Variants in FNIP2 observed in about 807,000 individuals in gnomAD.
FNIP2 encodes the protein folliculin interacting protein 2.
A neutral mutation model predicts 108.7 loss-of-function variants in FNIP2; 32 were observed. That is an observed-to-expected ratio of 0.29 (90% CI 0.22 to 0.40). FNIP2 has a LOEUF of 0.40. FNIP2 is among the 10% of genes least tolerant of loss of function. FNIP2 has a pLI of 1.00. For synonymous variants in FNIP2, 480 were observed against 496.7 expected (o/e 0.97, Z 0.45); for missense variants, 1,202 against 1,381.6 (o/e 0.87, Z 2.06).
At chr4:158,778,951 G>C (rs754817184) in intron 1 of FNIP2, among the ~76,000 whole-genome samples, 2 of 152,226 alleles carry the variant, frequency 1.3e-5, no homozygotes, top group African/African-American at 2.4e-5. Flanking sequence ...CTCCAGAGAG[G>C]TTGCACCTGT....
In FNIP2 at chr4:158,868,375, C is replaced by G. The variant is rs1225398523; in HGVS notation, c.1739C>G (p.Pro580Arg). ...GTGAGGAACGAGCCCGCTCTTGTAC[C>G]CCCCATCCTACCACCAACAGCAGCA... ...ITVRNEPALVPPILPPTAAER... is the reference protein window; with the variant it reads ...ITVRNEPALVRPILPPTAAER... The change falls in exon 13 of 17, where the codon CCC becomes CGC. Residue 580 changes from proline (P) to arginine (R), a missense_variant. Around this residue, in one of 5 missense-constraint regions of FNIP2, gnomAD observed 878 missense variants for 990.3 expected, o/e 0.89. Transcript: ENST00000264433. The surrounding 1 kb of genome is among the most constrained non-coding windows in gnomAD (Gnocchi z 4.6). The G allele has an allele frequency of 6.2e-7, 1 of 1,613,942 alleles. No homozygotes were observed. Among genetic ancestry groups the G allele is most frequent in the Admixed American group, 1.7e-5 (1 of 60,030 alleles).
intron 14 of FNIP2, among the ~76,000 whole-genome samples, chr4:158,871,010 G>A (rs974813924): frequency 2.0e-5 from 3 of 152,264 alleles, no homozygotes; most frequent in African/African-American, 4.8e-5. Flanking sequence ...ATTATATGCC[G>A]TCACGGTGAG....
intron 7 of FNIP2, among the ~76,000 whole-genome samples, chr4:158,836,811 CAAAAAAAAA>C (rs34469888): frequency 1.3e-4 from 5 of 39,578 alleles, no homozygotes; most frequent in East Asian, 1.6e-3. Flanking sequence ...GACTCCGTCT[CAAAAAAAAA>C]AAAAAAAAAA....
intron 7 of FNIP2, among the ~76,000 whole-genome samples, chr4:158,845,658 G>A (rs1249887679): frequency 6.6e-6 from 1 of 152,248 alleles, no homozygotes; most frequent in Non-Finnish European, 1.5e-5. Context: ...CATTCAGATA[G>A]TGAGCCAGGC....
chr4:158,805,949 A>T (rs1308581250), intron 1 of FNIP2: 1 of 220,294 alleles, frequency 4.5e-6, no homozygotes, highest in African/African-American at 2.3e-5. Flanking sequence ...TTGTAATGGG[A>T]TTGCAGACAG....
At chr4:158,789,709 AG>A (rs1433193300) in intron 1 of FNIP2, among the ~76,000 whole-genome samples, 1 of 152,170 alleles carries the variant, frequency 6.6e-6, no homozygotes, top group Non-Finnish European at 1.5e-5. Context: ...GTGCAACAGG[AG>A]CTAACAGTAC....
chr4:158,783,085 T>TA lies in FNIP2; in HGVS notation c.107+13769dup, dbSNP rs533779180. Among the ~76,000 whole-genome samples, 210 of 152,344 alleles carry TA rather than the reference T, an allele frequency of 1.4e-3. 1 individual carries two copies. In the Middle Eastern group the frequency reaches 0.027, roughly 20 times the overall value. On this transcript the variant is annotated intron_variant, in intron 1 of 16. Coordinates refer to ENST00000264433, the MANE Select transcript of FNIP2 (RefSeq NM_020840.3). ...TATTGAGTTTTACAGCTTGGACTGT[T>TA]AAAGTCAATATTGTGTTTAACACAG...
chr4:158,832,285 C>T, intron 5 of FNIP2, 147 bp downstream of exon 5: 2 of 606,732 alleles, frequency 3.3e-6, no homozygotes, highest in South Asian at 2.6e-5. Flanking sequence ...TGGCTACTGT[C>T]CTATAAACAG....
chr4:158,770,106 T>A (rs1775645888), intron 1 of FNIP2, among the ~76,000 whole-genome samples: 1 of 152,146 alleles, frequency 6.6e-6, no homozygotes. Context: ...AAACTTAAAG[T>A]CACAGATAAC....
Position 158,861,381 on chromosome 4 carries a change from T to C in FNIP2, c.1188T>C (p.Ala396=). The part of the protein sequence containing the change: ...IWNLYSVPRI[A]EPVWLTMMSG... ...ACTTATATTCTGTTCCAAGGATAGC[T>C]GAACCTGTATGGCTTACTATGATGT... The change falls in exon 11 of 17, where the codon GCT becomes GCC. Residue 396 remains alanine, a synonymous_variant. Transcript: ENST00000264433. The C allele has an allele frequency of 6.2e-7, 1 of 1,614,062 alleles. No individual in the cohort carries two copies. Among genetic ancestry groups the C allele is most frequent in the East Asian group, 2.2e-5 (1 of 44,892 alleles).
chr4:158,870,192 G>C, intron 13 of FNIP2, 121 bp from the exon 14 acceptor site: 1 of 1,087,680 alleles, frequency 9.2e-7, no homozygotes, highest in Non-Finnish European at 1.3e-6. Flanking sequence ...GAGGGTTGGT[G>C]ACATGGACCA....
chr4:158,825,822 T>C, intron 1 of FNIP2, 94 bp from the exon 2 acceptor site: 12 of 1,447,594 alleles, frequency 8.3e-6, no homozygotes, highest in Non-Finnish European at 1.1e-5. Context: ...CCTTTTGATG[T>C]GCACACAGGC....
chr4:158,833,972 G>C, intron 6 of FNIP2: 1 of 921,668 alleles, frequency 1.1e-6, no homozygotes, highest in Non-Finnish European at 1.4e-6. Context: ...TCCTACTTGT[G>C]CCTCTCTAGA....
In FNIP2 at chr4:158,868,733, G is replaced by A. The variant is rs201348738; in HGVS notation, c.2097G>A (p.Val699=). The A allele has an allele frequency of 4.8e-5, 78 of 1,614,000 alleles. No individual in the cohort carries two copies. In the Admixed American group the frequency reaches 1.3e-3, roughly 27 times the overall value. Residue 699 remains valine, a synonymous_variant, in exon 13 of 17, where the codon GTG becomes GTA. Transcript: ENST00000264433. This position sits in a 1 kb window ranked among gnomAD's most constrained non-coding sequence, Gnocchi z 4.6. ...EMPTRLPDRS[V]AWPCPDRHLR... ...CTACAAGACTGCCAGACCGGTCAGT[G>A]GCCTGGCCTTGCCCTGACAGACATC...
chr4:158,868,039 G>A lies in FNIP2; in HGVS notation c.1466-63G>A, dbSNP rs192405795. On this transcript the variant is annotated intron_variant, in intron 12 of 16. Coordinates refer to ENST00000264433, the MANE Select transcript of FNIP2 (RefSeq NM_020840.3). The surrounding 1 kb of genome is among the most constrained non-coding windows in gnomAD (Gnocchi z 4.6). ...TTATCTGTTTTGCTCTTGTAAAGAC[G>A]GATATATCTGTGACATGCTAACCCC... 43 of 1,577,934 alleles carry A rather than the reference G, an allele frequency of 2.7e-5. No individual in the cohort carries two copies. The Admixed American group carries it at 5.0e-4, about 18-fold the overall frequency.
At chr4:158,790,973 T>A (rs1776394189) in intron 1 of FNIP2, among the ~76,000 whole-genome samples, 1 of 152,210 alleles carries the variant, frequency 6.6e-6, no homozygotes, top group South Asian at 2.1e-4. Flanking sequence ...CTTTCCATTT[T>A]GTTTGCAGGT....
At chr4:158,884,769 G>GAA (rs1781926181) in intron 14 of FNIP2, among the ~76,000 whole-genome samples, 1 of 152,144 alleles carries the variant, frequency 6.6e-6, no homozygotes, top group African/African-American at 2.4e-5. Flanking sequence ...GGCGGAAGGT[G>GAA]AAGGAGAAGC....
At chr4:158,803,159 C>T (rs1776817742) in intron 1 of FNIP2, among the ~76,000 whole-genome samples, 1 of 152,174 alleles carries the variant, frequency 6.6e-6, no homozygotes, top group African/African-American at 2.4e-5. Flanking sequence ...TGATTGCAGA[C>T]ACTTTTGTAA....
intron 7 of FNIP2, among the ~76,000 whole-genome samples, chr4:158,843,709 A>C (rs954604924): frequency 6.6e-6 from 1 of 152,216 alleles, no homozygotes; most frequent in Non-Finnish European, 1.5e-5. Flanking sequence ...GCAAAGATGT[A>C]TCGTGGGGAT....
Sources: allele counts gnomAD v4.1 joint callset (sites outside exome capture counted in the v4.1 genomes callset), GRCh38; gene constraint gnomAD v4.1.1; regional missense constraint gnomAD v4.1.1; non-coding constraint Gnocchi (gnomAD v3.1); transcripts MANE v1.5; gene names NCBI Gene and HGNC (gene_info 2026-07-23, HGNC 2026-07-21).